ADGRL3: variants seen among roughly 807,000 people sequenced by gnomAD.
ADGRL3 encodes the protein calcium-independent alpha-latrotoxin receptor 3.
In ADGRL3, 62 loss-of-function variants were observed where a neutral mutation model predicts 153.5. That is an observed-to-expected ratio of 0.40 (90% CI 0.33 to 0.50). ADGRL3 has a LOEUF of 0.50. ADGRL3 is among the 20% of genes least tolerant of loss of function. ADGRL3 has a pLI of 0.47. For synonymous variants in ADGRL3, 710 were observed against 672.5 expected, an observed-to-expected ratio of 1.06 and a Z score of -0.86; for missense variants, 1,641 against 1,859.4, an observed-to-expected ratio of 0.88 and a Z score of 2.16.
chr4:61,468,933 T>C (rs1560686579), intron 2 of ADGRL3, among the ~76,000 whole-genome samples: 1 of 152,132 alleles, frequency 6.6e-6, no homozygotes, highest in African/African-American at 2.4e-5. Context: ...AAAGTATATA[T>C]ACAAAGTTAT....
At chr4:61,683,265 A>G (rs2095375261) in intron 6 of ADGRL3, among the ~76,000 whole-genome samples, 1 of 152,002 alleles carries the variant, frequency 6.6e-6, no homozygotes, top group Admixed American at 6.6e-5. Context: ...GGCACATGCC[A>G]CCACACCCAA....
rs371283382 is a variant in ADGRL3, at chr4:61,939,682, C to T, written c.2419+3637C>T. 4.9e-4 allele frequency among the ~76,000 whole-genome samples: 74 copies of T among 152,044 alleles called. No individual in the cohort carries two copies. In the South Asian group the frequency reaches 5.6e-3, roughly 12 times the overall value. On this transcript the variant is annotated intron_variant, in intron 15 of 26. Transcript: ENST00000683033. ...ACAGGGTTTCGCCATATTGGTCAGG[C>T]TGGTCTTGAATTCCTGACTTCGTGA...
chr4:61,457,576 AT>A (rs2097767817), intron 2 of ADGRL3, among the ~76,000 whole-genome samples: 1 of 151,904 alleles, frequency 6.6e-6, no homozygotes, highest in Admixed American at 6.6e-5. Context: ...AATCAAATTA[AT>A]TGGCCTTTAA....
At position 61,517,395 on chromosome 4, in the gene ADGRL3, C is replaced by A; in HGVS notation, c.136C>A (p.Pro46Thr). Residue 46 changes from proline (P) to threonine (T), a missense_variant, in exon 4 of 27, where the codon CCC becomes ACC. Pro to Thr is a conservative substitution (Grantham distance 38). This residue lies in a region of ADGRL3 where 145 missense variants were observed against 79.1 expected (regional missense o/e 1.83). Transcript: ENST00000683033. ...AERSPGGALP[P>T]RHLLQQPAAE... ...GCGCAGCCCAGGAGGCGCTCTTCCACCCAGACATCTGCTTCAGCAGCCAGC... is the reference window on the plus strand; with the variant it reads ...GCGCAGCCCAGGAGGCGCTCTTCCAACCAGACATCTGCTTCAGCAGCCAGC... 1.4e-6 allele frequency: 1 copy of A among 729,534 alleles called. No individual in the cohort carries two copies. The highest frequency in any genetic ancestry group is 2.4e-6 in the Non-Finnish European group (1 of 409,234). The allele number at this position is 729,534 out of a possible 1,614,324, so 45.2% of individuals were successfully genotyped here. A position where few individuals can be genotyped will look rare whatever the true frequency, so the allele number is the denominator to read the frequency against.
chr4:61,769,451 G>C lies in ADGRL3; in HGVS notation c.1399+35897G>C, dbSNP rs1233048648. Among the ~76,000 whole-genome samples the C allele has an allele frequency of 1.3e-5, 2 of 149,822 alleles. 1 individual carries two copies. The highest frequency in any genetic ancestry group is 5.0e-5 in the African/African-American group (2 of 40,194). The stretch of plus-strand genomic sequence containing the variant: ...CTGGTCGGTCTGAAGACCTGAGGTC[G>C]TAGGTGGATCTTTCTCACGGAGCAA... On this transcript the variant is annotated intron_variant, in intron 8 of 26. Transcript: ENST00000683033.
chr4:61,701,251 G>A (rs2095753354), intron 6 of ADGRL3, among the ~76,000 whole-genome samples: 1 of 151,994 alleles, frequency 6.6e-6, no homozygotes, highest in South Asian at 2.1e-4. Flanking sequence ...ACAAAAAGCT[G>A]GAGTTTAAAG....
intron 9 of ADGRL3, among the ~76,000 whole-genome samples, chr4:61,837,131 T>C (rs2097948603): frequency 6.6e-6 from 1 of 152,150 alleles, no homozygotes; most frequent in Non-Finnish European, 1.5e-5. Flanking sequence ...GAGTCAGGAC[T>C]CTGGAATAGA....
chr4:61,602,815 G>A (rs1048913415), intron 5 of ADGRL3, among the ~76,000 whole-genome samples: 51 of 152,100 alleles, frequency 3.4e-4, no homozygotes, highest in African/African-American at 1.2e-3. Flanking sequence ...ACAATGCCAA[G>A]TATAATACTG....
intron 6 of ADGRL3, among the ~76,000 whole-genome samples, chr4:61,682,454 A>G (rs1347090345): frequency 2.0e-5 from 3 of 152,194 alleles, no homozygotes; most frequent in Admixed American, 6.6e-5. Context: ...TAATAATTAA[A>G]CCCTGCTTAT....
rs561181574 is a variant in ADGRL3 at position 61,884,384 on chromosome 4, T to C, written c.1481-8272T>C. The stretch of plus-strand genomic sequence containing the variant: ...GAGCTTTAGAACACTGCCTGGTACA[T>C]AATAAATGCTCAAGAAATGCCAGAG... On this transcript the variant is annotated intron_variant, in intron 9 of 26. Transcript: ENST00000683033. Among the ~76,000 whole-genome samples the C allele has an allele frequency of 9.8e-5, 15 of 152,294 alleles. No homozygotes were observed. In the South Asian group the frequency reaches 3.1e-3, roughly 32 times the overall value.
chr4:61,483,044 T>C (rs557275418), intron 2 of ADGRL3, among the ~76,000 whole-genome samples: 101 of 152,350 alleles, frequency 6.6e-4, no homozygotes, highest in African/African-American at 2.2e-3. Flanking sequence ...TCCCAGAGTA[T>C]GCAGTGTAAA....
At chr4:61,354,959 G>A (rs1487162641) in intron 1 of ADGRL3, among the ~76,000 whole-genome samples, 1 of 152,050 alleles carries the variant, frequency 6.6e-6, no homozygotes, top group East Asian at 1.9e-4. Flanking sequence ...AGGCTGAATT[G>A]ATTGGAATAT....
intron 2 of ADGRL3, among the ~76,000 whole-genome samples, chr4:61,404,405 T>C (rs548679693): frequency 6.6e-6 from 1 of 152,104 alleles, no homozygotes; most frequent in African/African-American, 2.4e-5. Flanking sequence ...TGAGGAAGAC[T>C]AGTACCTTGC....
At chr4:61,289,129 TATC>T (rs1170644972) in intron 1 of ADGRL3, among the ~76,000 whole-genome samples, 6 of 151,932 alleles carry the variant, frequency 3.9e-5, no homozygotes, top group African/African-American at 1.2e-4. Context: ...GAAACAGACT[TATC>T]ATATTTTCTT....
chr4:61,475,885 G>A (rs1286547980), intron 2 of ADGRL3, among the ~76,000 whole-genome samples: 1 of 142,166 alleles, frequency 7.0e-6, no homozygotes, highest in Admixed American at 6.9e-5. Context: ...AATAAAGATA[G>A]CCTTTAGTTT....
intron 8 of ADGRL3, among the ~76,000 whole-genome samples, chr4:61,805,189 G>A (rs149287415): frequency 0.053 from 8,114 of 151,900 alleles, 368 homozygotes; most frequent in African/African-American, 0.12. Context: ...TGATCCGCCC[G>A]CCTCGGTCTC....
intron 2 of ADGRL3, among the ~76,000 whole-genome samples, chr4:61,463,295 TC>T (rs1227232146): frequency 6.6e-6 from 1 of 152,200 alleles, no homozygotes; most frequent in Non-Finnish European, 1.5e-5. Flanking sequence ...TTTAGTTGAC[TC>T]ACAGTTCCAC....
intron 1 of ADGRL3, among the ~76,000 whole-genome samples, chr4:61,294,226 A>G (rs935604205): frequency 6.6e-6 from 1 of 152,156 alleles, no homozygotes; most frequent in African/African-American, 2.4e-5. Flanking sequence ...CTTCAGGTCA[A>G]GTGTGTTTCC....
At chr4:61,253,924 T>C (rs1358000198) in intron 1 of ADGRL3, among the ~76,000 whole-genome samples, 1 of 152,206 alleles carries the variant, frequency 6.6e-6, no homozygotes, top group East Asian at 1.9e-4. Context: ...TAAATCCCTA[T>C]GATTCTGTGA....
Sources: allele counts gnomAD v4.1 joint callset (sites outside exome capture counted in the v4.1 genomes callset), GRCh38; gene constraint gnomAD v4.1.1; regional missense constraint gnomAD v4.1.1; transcripts MANE v1.5; gene names NCBI Gene and HGNC (gene_info 2026-07-23, HGNC 2026-07-21).